Variants in SLC9A9 observed in about 807,000 individuals in gnomAD.
The protein encoded by SLC9A9 is sodium/hydrogen exchanger 9.
Under a neutral mutation model 77.8 loss-of-function variants are expected in SLC9A9, and 62 were observed. The observed-to-expected ratio is 0.80, with a 90% CI of 0.65 to 0.98. The LOEUF is 0.98. SLC9A9 is among the 50% of genes least tolerant of loss of function. The pLI, the probability that SLC9A9 is intolerant of heterozygous loss-of-function variation, is 0.00. For synonymous variants in SLC9A9, 320 were observed against 283.5 expected (o/e 1.13, Z -1.29); for missense variants, 775 against 774.9 (o/e 1.00, Z 0.00).
chr3:143,453,898 A>G (rs2035048532), intron 12 of SLC9A9, among the ~76,000 whole-genome samples: 1 of 152,136 alleles, frequency 6.6e-6, no homozygotes, highest in African/African-American at 2.4e-5. Context: ...TGGAAAGTGA[A>G]TGACATTGGG....
chr3:143,419,592 C>A (rs1317278414), intron 12 of SLC9A9, among the ~76,000 whole-genome samples: 1 of 152,120 alleles, frequency 6.6e-6, no homozygotes, highest in Non-Finnish European at 1.5e-5. Context: ...CAGTACCATC[C>A]ATCCAGCCAG....
At chr3:143,312,356 T>C (rs1202029081) in intron 14 of SLC9A9, among the ~76,000 whole-genome samples, 1 of 152,264 alleles carries the variant, frequency 6.6e-6, no homozygotes, top group Non-Finnish European at 1.5e-5. Flanking sequence ...TTGCTATTAA[T>C]GCAAGCATGA....
chr3:143,750,526 A>AT (rs1256689039), intron 4 of SLC9A9, among the ~76,000 whole-genome samples: 5 of 152,176 alleles, frequency 3.3e-5, no homozygotes, highest in African/African-American at 1.2e-4. Flanking sequence ...TCTGACATAA[A>AT]CATTAATCAA....
At chr3:143,715,214 C>T (rs1490013389) in intron 4 of SLC9A9, among the ~76,000 whole-genome samples, 3 of 152,124 alleles carry the variant, frequency 2.0e-5, no homozygotes, top group Admixed American at 1.3e-4. Context: ...TTTCAGTTCC[C>T]TCTCTTTAGG....
intron 9 of SLC9A9, among the ~76,000 whole-genome samples, chr3:143,509,488 A>G (rs754426425): frequency 6.6e-6 from 1 of 152,192 alleles, no homozygotes; most frequent in Non-Finnish European, 1.5e-5. Context: ...TGTTGAAGCT[A>G]CTGCACGCCC....
chr3:143,376,742 T>A (rs1246580170), intron 13 of SLC9A9, among the ~76,000 whole-genome samples: 1 of 152,174 alleles, frequency 6.6e-6, no homozygotes, highest in East Asian at 1.9e-4. Flanking sequence ...CATAAGTAAG[T>A]ATAACCAAAA....
chr3:143,836,415 T>A (rs183478963), intron 1 of SLC9A9, among the ~76,000 whole-genome samples: 1 of 152,194 alleles, frequency 6.6e-6, no homozygotes, highest in East Asian at 1.9e-4. Flanking sequence ...GTCCACAAGC[T>A]CCCTGGAGTC....
intron 14 of SLC9A9, among the ~76,000 whole-genome samples, chr3:143,342,550 A>G (rs1182027436): frequency 1.3e-5 from 2 of 152,130 alleles, no homozygotes; most frequent in Non-Finnish European, 2.9e-5. Flanking sequence ...TAAACACCCC[A>G]CCCAATGCCA....
At chr3:143,370,786 A>T (rs1035697291) in intron 13 of SLC9A9, among the ~76,000 whole-genome samples, 1 of 152,026 alleles carries the variant, frequency 6.6e-6, no homozygotes, top group African/African-American at 2.4e-5. Context: ...CCACTTCATC[A>T]TCGCTTTCAC....
chr3:143,309,826 G>A (rs1266055843), intron 14 of SLC9A9, among the ~76,000 whole-genome samples: 1 of 152,096 alleles, frequency 6.6e-6, no homozygotes, highest in Non-Finnish European at 1.5e-5. Flanking sequence ...TATGTGCCTG[G>A]TGGTTGGAAA....
At chr3:143,550,182 C>T (rs1245382999) in intron 9 of SLC9A9, among the ~76,000 whole-genome samples, 2 of 152,154 alleles carry the variant, frequency 1.3e-5, no homozygotes, top group South Asian at 4.1e-4. Context: ...TCAAAGTAAG[C>T]TTTCAGGAAA....
At chr3:143,719,710 G>A (rs551968852) in intron 4 of SLC9A9, among the ~76,000 whole-genome samples, 3 of 152,286 alleles carry the variant, frequency 2.0e-5, no homozygotes, top group South Asian at 2.1e-4. Context: ...TGAAAAAGAA[G>A]CCATACTGCT....
At chr3:143,416,798 T>C (rs541090534) in intron 12 of SLC9A9, among the ~76,000 whole-genome samples, 1 of 152,362 alleles carries the variant, frequency 6.6e-6, no homozygotes, top group African/African-American at 2.4e-5. Flanking sequence ...ATATTACATG[T>C]GTATATCTGT....
chr3:143,505,365 A>G (rs1275282500), intron 9 of SLC9A9, among the ~76,000 whole-genome samples: 1 of 152,206 alleles, frequency 6.6e-6, no homozygotes, highest in East Asian at 1.9e-4. Flanking sequence ...CAGTAACATG[A>G]TAATGATTAT....
chr3:143,523,123 GC>G (rs928434762), intron 9 of SLC9A9, among the ~76,000 whole-genome samples: 11 of 152,126 alleles, frequency 7.2e-5, no homozygotes, highest in African/African-American at 4.8e-5. Flanking sequence ...GGGAGAGAGA[GC>G]TTTAGCACCT....
At chr3:143,399,389 A>G (rs1350566256) in intron 12 of SLC9A9, among the ~76,000 whole-genome samples, 1 of 152,182 alleles carries the variant, frequency 6.6e-6, no homozygotes, top group Admixed American at 6.6e-5. Context: ...AAAGAAATTA[A>G]ATATTTAAAA....
At chr3:143,316,434 G>A (rs1393210220) in intron 14 of SLC9A9, among the ~76,000 whole-genome samples, 2 of 152,198 alleles carry the variant, frequency 1.3e-5, no homozygotes, top group African/African-American at 4.8e-5. Context: ...AGCTCTGGGA[G>A]CATATAGGAC....
chr3:143,845,534 A>G (rs955961450), intron 1 of SLC9A9, among the ~76,000 whole-genome samples: 1 of 152,318 alleles, frequency 6.6e-6, no homozygotes, highest in Non-Finnish European at 1.5e-5. Context: ...GAGTTCTTTC[A>G]GGTGAACGTG....
intron 8 of SLC9A9, among the ~76,000 whole-genome samples, chr3:143,554,944 CTTTA>C (rs1220957706): frequency 2.0e-5 from 3 of 152,278 alleles, no homozygotes; most frequent in Non-Finnish European, 1.5e-5. Flanking sequence ...TCTCTACTTG[CTTTA>C]TTTTTTTCCT....
Sources: allele counts gnomAD v4.1 joint callset (sites outside exome capture counted in the v4.1 genomes callset), GRCh38; gene constraint gnomAD v4.1.1; transcripts MANE v1.5; gene names NCBI Gene and HGNC (gene_info 2026-07-23, HGNC 2026-07-21).